HPS5: variants seen among roughly 807,000 people sequenced by gnomAD.
The protein encoded by HPS5 is HPS5 biogenesis of lysosomal organelles complex 2 subunit 2.
A neutral mutation model predicts 128.0 loss-of-function variants in HPS5; 83 were observed. That is an observed-to-expected ratio of 0.65 (90% CI 0.54 to 0.78). The LOEUF (loss-of-function observed/expected upper bound fraction) is 0.78, where lower values mean the gene tolerates loss of function less well. Among genes scored for constraint, HPS5 ranks in the 30% least tolerant of loss-of-function variants. HPS5 has a pLI of 0.00. For missense variants in HPS5, 1,281 were observed against 1,326.2 expected, an observed-to-expected ratio of 0.97 and a Z score of 0.53; for synonymous variants, 475 against 470.2, an observed-to-expected ratio of 1.01 and a Z score of -0.13.
intron 22 of HPS5, among the ~76,000 whole-genome samples, chr11:18,281,245 A>C (rs1475673145): frequency 7.0e-6 from 1 of 143,832 alleles, no homozygotes; most frequent in African/African-American, 2.6e-5. Context: ...TGTCCAGTTA[A>C]TTTTTTTGCA....
chr11:18,286,868 C>T (rs1156839942), intron 18 of HPS5, 158 bp from the exon 19 acceptor site: 2 of 831,196 alleles, frequency 2.4e-6, no homozygotes, highest in Admixed American at 5.0e-5. Context: ...TGCTGGTGAC[C>T]AAGCTCCAAG....
intron 22 of HPS5, chr11:18,280,660 G>A (rs1373394729): frequency 7.4e-6 from 5 of 671,712 alleles, no homozygotes. Context: ...CAGATGAATG[G>A]ATAAACAAAA....
At chr11:18,283,505 CTCATTTAAAACAA>C (rs1024834677) in intron 21 of HPS5, among the ~76,000 whole-genome samples, 5 of 144,346 alleles carry the variant, frequency 3.5e-5, no homozygotes, top group Admixed American at 6.9e-5. Flanking sequence ...AGTTTGTTAT[CTCATTTAAAACAA>C]CATATGGAAA....
At chr11:18,321,337 A>G (rs1226166672) in intron 1 of HPS5, among the ~76,000 whole-genome samples, 1 of 152,136 alleles carries the variant, frequency 6.6e-6, no homozygotes, top group African/African-American at 2.4e-5. Context: ...ATGGTTTAAT[A>G]TATGATGTTT....
intron 16 of HPS5, among the ~76,000 whole-genome samples, chr11:18,289,570 C>T (rs1025350403): frequency 5.3e-5 from 8 of 149,604 alleles, no homozygotes; most frequent in African/African-American, 2.5e-5. Context: ...GACAATCTAC[C>T]TCAACTCAGA....
chr11:18,283,940 C>T, intron 20 of HPS5, 39 bp from the exon 21 acceptor site: 1 of 1,423,872 alleles, frequency 7.0e-7, no homozygotes, highest in Non-Finnish European at 9.9e-7. Context: ...AATAAAAGGC[C>T]ATGAATTTAT....
chr11:18,284,957 T>C (rs1859511318), intron 20 of HPS5, among the ~76,000 whole-genome samples: 1 of 152,132 alleles, frequency 6.6e-6, no homozygotes, highest in South Asian at 2.1e-4. Context: ...ACCTCCTCCT[T>C]GAGTCCTTCA....
chr11:18,306,099 C>T, intron 7 of HPS5, 36 bp downstream of exon 7: 1 of 1,412,428 alleles, frequency 7.1e-7, no homozygotes, highest in Non-Finnish European at 1.0e-6. Flanking sequence ...TATAGAAGCT[C>T]TTCAAACAAT....
chr11:18,283,766 C>A (rs777546599), intron 21 of HPS5, 29 bp downstream of exon 21: 1 of 1,530,436 alleles, frequency 6.5e-7, no homozygotes, highest in South Asian at 1.1e-5. Flanking sequence ...AAATTGACAA[C>A]CAAGAGTAAC....
intron 2 of HPS5, among the ~76,000 whole-genome samples, chr11:18,316,097 CCA>C (rs1863591015): frequency 6.6e-6 from 1 of 152,124 alleles, no homozygotes. Flanking sequence ...CCACTGTACT[CCA>C]GCCTGGGCAA....
intron 1 of HPS5, among the ~76,000 whole-genome samples, chr11:18,320,839 A>G (rs1864231171): frequency 6.6e-6 from 1 of 152,228 alleles, no homozygotes. Context: ...ACCTAAAAAC[A>G]GTATTAGTTG....
At position 18,285,393 on chromosome 11, in the gene HPS5, T is replaced by C; in HGVS notation, c.2904A>G (p.Ala968=). ...QLILHLIKLP[A]DFITKEKMTD... ...TCATTTTCTCTTTGGTTATAAAATC[T>C]GCAGGAAGTTTAATTAGATGAAGGA... Residue 968 remains alanine (A), a synonymous_variant, in exon 20 of 23, where the codon GCA becomes GCG. Transcript: ENST00000349215. 1 of 1,613,662 alleles carries C rather than the reference T, an allele frequency of 6.2e-7. No individual in the cohort carries two copies. Among genetic ancestry groups the C allele is most frequent in the African/African-American group, 1.3e-5 (1 of 75,044 alleles).
chr11:18,312,134 T>C (rs1863090443), intron 2 of HPS5, 110 bp from the exon 3 acceptor site: 5 of 820,236 alleles, frequency 6.1e-6, no homozygotes, highest in Non-Finnish European at 1.1e-5. Flanking sequence ...TCCCTCACTT[T>C]ACCCTCTGCC....
chr11:18,282,937 T>C lies in HPS5; in HGVS notation c.3059-717A>G, dbSNP rs1859196754. ...CCATCAGAAATAAGGGGCCTGCATT[T>C]CTGATAAAGGAAACATGGAAGACAA... is the stretch of plus-strand genomic sequence containing the variant. On this transcript the variant is annotated intron_variant, in intron 21 of 22. Transcript: ENST00000349215. Among the ~76,000 whole-genome samples the C allele has an allele frequency of 2.0e-5, 3 of 152,186 alleles. No individual in the cohort carries two copies. The South Asian group carries it at 6.2e-4, about 32-fold the overall frequency.
At chr11:18,299,122 A>C in intron 9 of HPS5, 152 bp from the exon 10 acceptor site, 1 of 695,384 alleles carries the variant, frequency 1.4e-6, no homozygotes, top group South Asian at 1.7e-5. Context: ...AGTTCAATGA[A>C]GAAATCATAT....
At chr11:18,283,336 A>C (rs1224620329) in intron 21 of HPS5, among the ~76,000 whole-genome samples, 1 of 151,862 alleles carries the variant, frequency 6.6e-6, no homozygotes, top group African/African-American at 2.4e-5. Context: ...ATTAAAAAAA[A>C]AAAAAAAAAA....
chr11:18,317,970 A>T (rs1421783950), intron 1 of HPS5, 63 bp from the exon 2 acceptor site: 11 of 1,217,208 alleles, frequency 9.0e-6, no homozygotes, highest in Middle Eastern at 4.7e-4. Flanking sequence ...TGCATTTAAC[A>T]AATATGTGGG....
chr11:18,297,045 T>C lies in HPS5; in HGVS notation c.1324-61A>G, dbSNP rs564745921. On this transcript the variant is annotated intron_variant, in intron 11 of 22. Transcript: ENST00000349215. ...AAAAATTTCCTTTATAACGTTAATA[T>C]AACTTCTGCAGAGAAATACCAACAC... is the stretch of plus-strand genomic sequence containing the variant. 9 of 1,055,742 alleles carry C rather than the reference T, an allele frequency of 8.5e-6. No individual in the cohort carries two copies. The Admixed American group carries it at 1.3e-4, about 16-fold the overall frequency. The allele number at this position is 1,055,742 out of a possible 1,614,324, so 65.4% of individuals were successfully genotyped here.
intron 15 of HPS5, among the ~76,000 whole-genome samples, chr11:18,292,572 G>T (rs1860545396): frequency 6.6e-6 from 1 of 152,192 alleles, no homozygotes; most frequent in Non-Finnish European, 1.5e-5. Flanking sequence ...GACTCAGAAA[G>T]TCATTCCCAT....
Sources: allele counts gnomAD v4.1 joint callset (sites outside exome capture counted in the v4.1 genomes callset), GRCh38; gene constraint gnomAD v4.1.1; transcripts MANE v1.5; gene names NCBI Gene and HGNC (gene_info 2026-07-23, HGNC 2026-07-21).